The following CAMTA1 variants were observed in gnomAD, a reference collection of about 807,000 sequenced individuals.
CAMTA1 encodes calmodulin-binding transcription activator 1.
Under a neutral mutation model 170.9 loss-of-function variants are expected in CAMTA1, and 27 were observed. That is an observed-to-expected ratio of 0.16 (90% CI 0.12 to 0.22). CAMTA1 has a LOEUF of 0.22. CAMTA1 is among the 10% of genes least tolerant of loss of function. The pLI is 1.00. For missense variants in CAMTA1, 1,619 were observed against 2,217.2 expected, an observed-to-expected ratio of 0.73 and a Z score of 5.42; for synonymous variants, 833 against 891.5, an observed-to-expected ratio of 0.93 and a Z score of 1.17.
intron 5 of CAMTA1, among the ~76,000 whole-genome samples, chr1:7,378,546 G>A (rs1457269639): frequency 6.6e-6 from 1 of 152,134 alleles, no homozygotes; most frequent in East Asian, 1.9e-4. Context: ...TGAACGTCCA[G>A]GCAAATCCAC....
At chr1:6,983,144 C>T (rs1557924565) in intron 3 of CAMTA1, among the ~76,000 whole-genome samples, 1 of 152,192 alleles carries the variant, frequency 6.6e-6, no homozygotes, top group Non-Finnish European at 1.5e-5. Context: ...GTTACTCTCC[C>T]CTCAGGCAGA....
intron 3 of CAMTA1, among the ~76,000 whole-genome samples, chr1:6,959,162 T>A (rs1689960495): frequency 6.6e-6 from 1 of 152,062 alleles, no homozygotes; most frequent in African/African-American, 2.4e-5. Flanking sequence ...CTTGGTTCAG[T>A]TTGTATTGAA....
At chr1:7,277,456 GGTGTGT>G (rs57970990) in intron 5 of CAMTA1, among the ~76,000 whole-genome samples, 4 of 135,366 alleles carry the variant, frequency 3.0e-5, no homozygotes, top group South Asian at 5.0e-4. Flanking sequence ...TCCAAGCAAT[GGTGTGT>G]GTGTGTGTGT....
rs34109968 is a variant in CAMTA1, at chr1:7,547,701, ATTT to A, written c.510+79812_510+79814del. 4.0e-3 allele frequency among the ~76,000 whole-genome samples: 587 copies of A among 147,898 alleles called. 1 individual carries two copies. The highest frequency in any genetic ancestry group is 0.014 in the African/African-American group (558 of 40,380). Reference sequence around the variant, plus strand: ...TAAAACATTATGAGACTTTTTTGCAATTTTTTTTTTTTTTAGCTCATCAGCTAC... The same window carrying A: ...TAAAACATTATGAGACTTTTTTGCAATTTTTTTTTTTAGCTCATCAGCTAC... On this transcript the variant is annotated intron_variant, in intron 6 of 22. Coordinates refer to ENST00000303635, the MANE Select transcript of CAMTA1 (RefSeq NM_015215.4). The surrounding 1 kb of genome is among the most constrained non-coding windows in gnomAD (Gnocchi z 5.7).
chr1:7,341,691 C>T (rs1218008987), intron 5 of CAMTA1, among the ~76,000 whole-genome samples: 1 of 152,214 alleles, frequency 6.6e-6, no homozygotes, highest in Non-Finnish European at 1.5e-5. Context: ...ATTGTTCTGC[C>T]GTAAACATCA....
At chr1:7,640,023 G>A (rs1319635586) in intron 6 of CAMTA1, among the ~76,000 whole-genome samples, 1 of 152,134 alleles carries the variant, frequency 6.6e-6, no homozygotes, top group East Asian at 1.9e-4. Context: ...TGGGCTGGAG[G>A]GAATTTGACC....
At position 7,455,250 on chromosome 1, in the gene CAMTA1, G is replaced by A. The variant is rs952998389; in HGVS notation, c.439-12580G>A. ...GGCATGGTTCTGCGTGTGTGTTTCC[G>A]ACACTGGCTCCCAGGTGGAAGGCCT... On this transcript the variant is annotated intron_variant, in intron 5 of 22. Coordinates refer to ENST00000303635, the MANE Select transcript of CAMTA1 (RefSeq NM_015215.4). The surrounding 1 kb of genome is among the most constrained non-coding windows in gnomAD (Gnocchi z 5.0). Among the ~76,000 whole-genome samples, 1 of 152,318 alleles carries A rather than the reference G, an allele frequency of 6.6e-6. No homozygotes were observed. The highest frequency in any genetic ancestry group is 2.1e-4 in the South Asian group (1 of 4,824).
chr1:7,604,655 C>T (rs190636932), intron 6 of CAMTA1, among the ~76,000 whole-genome samples: 11 of 152,188 alleles, frequency 7.2e-5, no homozygotes, highest in Middle Eastern at 3.4e-3. Context: ...GTAGTTTGAT[C>T]GTCTGAAGAC....
intron 10 of CAMTA1, among the ~76,000 whole-genome samples, chr1:7,677,141 T>A (rs1245223586): frequency 6.6e-6 from 1 of 152,124 alleles, no homozygotes; most frequent in Non-Finnish European, 1.5e-5. Flanking sequence ...GGCTGGCTGT[T>A]CATCGAGTCA....
rs867119785 is a variant in CAMTA1, at chr1:7,665,685, A to G, written c.2652+486A>G. ...AGCTGTGGTTGTACCACTGCACTCC[A>G]GTCCGGATGACAGAGTGAAACCCTG... On this transcript the variant is annotated intron_variant, in intron 9 of 22. Transcript: ENST00000303635. This position sits in a 1 kb window ranked among gnomAD's most constrained non-coding sequence, Gnocchi z 4.3. Among the ~76,000 whole-genome samples, 1 of 152,216 alleles carries G rather than the reference A, an allele frequency of 6.6e-6. No individual in the cohort carries two copies. The highest frequency in any genetic ancestry group is 1.5e-5 in the Non-Finnish European group (1 of 68,038).
At chr1:7,192,744 G>A (rs1654776663) in intron 4 of CAMTA1, among the ~76,000 whole-genome samples, 1 of 152,196 alleles carries the variant, frequency 6.6e-6, no homozygotes, top group Admixed American at 6.5e-5. Context: ...ATGAAGGAGC[G>A]AGCCTAGTGG....
intron 4 of CAMTA1, among the ~76,000 whole-genome samples, chr1:7,210,833 T>C (rs1658614939): frequency 6.6e-6 from 1 of 152,220 alleles, no homozygotes; most frequent in Admixed American, 6.5e-5. Flanking sequence ...TTATGTTGAC[T>C]GAGTTACATT....
At chr1:6,833,501 T>G (rs187495637) in intron 3 of CAMTA1, among the ~76,000 whole-genome samples, 1 of 152,328 alleles carries the variant, frequency 6.6e-6, no homozygotes, top group East Asian at 1.9e-4. Context: ...CAAAACTAAA[T>G]TGTCTCGCAA....
intron 4 of CAMTA1, among the ~76,000 whole-genome samples, chr1:7,139,976 T>G (rs1457726746): frequency 6.6e-6 from 1 of 152,164 alleles, no homozygotes; most frequent in Non-Finnish European, 1.5e-5. Flanking sequence ...ATTTATTGAG[T>G]GTTTACTCTG....
At chr1:6,946,697 ATATAT>A (rs1687628112) in intron 3 of CAMTA1, among the ~76,000 whole-genome samples, 1 of 152,108 alleles carries the variant, frequency 6.6e-6, no homozygotes. Context: ...AGAGTTCTTT[ATATAT>A]TCTAGGTACA....
At chr1:6,908,660 A>G (rs1679070435) in intron 3 of CAMTA1, among the ~76,000 whole-genome samples, 1 of 152,192 alleles carries the variant, frequency 6.6e-6, no homozygotes, top group Non-Finnish European at 1.5e-5. Flanking sequence ...GGACATGAAA[A>G]TTTTTAAAAA....
At chr1:7,119,039 C>A (rs527918590) in intron 4 of CAMTA1, among the ~76,000 whole-genome samples, 1 of 152,176 alleles carries the variant, frequency 6.6e-6, no homozygotes, top group African/African-American at 2.4e-5. Context: ...CCCGGATACC[C>A]GTGCAGTTCA....
At chr1:7,276,112 T>G (rs1273606070) in intron 5 of CAMTA1, among the ~76,000 whole-genome samples, 36 of 150,568 alleles carry the variant, frequency 2.4e-4, no homozygotes, top group Admixed American at 2.4e-3. Flanking sequence ...ATTAATTGTA[T>G]TAACAGAACA....
intron 4 of CAMTA1, among the ~76,000 whole-genome samples, chr1:7,232,618 G>A (rs1371929517): frequency 6.6e-6 from 1 of 152,064 alleles, no homozygotes; most frequent in Non-Finnish European, 1.5e-5. Flanking sequence ...TGCCTACCAC[G>A]GGGCCAGGCA....
Sources: gnomAD v4.1 joint callset for allele counts (sites outside exome capture counted in the v4.1 genomes callset) on GRCh38, gnomAD v4.1.1 for gene constraint, Gnocchi (gnomAD v3.1) non-coding constraint, MANE v1.5 for transcripts, NCBI Gene and HGNC (gene_info 2026-07-23, HGNC 2026-07-21) for gene names.